ETV6: variants seen among roughly 807,000 people sequenced by gnomAD.
ETV6 encodes the protein ETS variant transcription factor 6, also known as transcription factor ETV6.
ETV6 carries 16 observed loss-of-function variants against 51.1 expected under a neutral mutation model. The observed-to-expected ratio is 0.31, with a 90% CI of 0.21 to 0.48. The LOEUF (loss-of-function observed/expected upper bound fraction) is 0.48. Among genes scored for constraint, ETV6 ranks in the 20% least tolerant of loss-of-function variants. The pLI is 0.99. For synonymous variants in ETV6, 240 were observed against 224.1 expected (o/e 1.07, Z -0.64); for missense variants, 458 against 594.8 (o/e 0.77, Z 2.39).
rs79207613 is a variant in ETV6 at position 11,711,763 on chromosome 12, T to C, written c.34-40687T>C. Among the ~76,000 whole-genome samples, 1,296 of 152,348 alleles carry C rather than the reference T, an allele frequency of 8.5e-3. 19 individuals carry two copies. Among genetic ancestry groups the C allele is most frequent in the African/African-American group, 0.028 (1,174 of 41,566 alleles). ...AATAAGGTATAGAGGAATATTCGTC[T>C]GAAGTCATGATTTGTACGTCATTTC... is the stretch of plus-strand genomic sequence containing the variant. On this transcript the variant is annotated intron_variant, in intron 1 of 7. Coordinates refer to ENST00000396373, the MANE Select transcript of ETV6 (RefSeq NM_001987.5).
At chr12:11,689,085 A>G (rs1000639254) in intron 1 of ETV6, among the ~76,000 whole-genome samples, 4 of 141,790 alleles carry the variant, frequency 2.8e-5, no homozygotes, top group Non-Finnish European at 6.2e-5. Context: ...AGATCTCACC[A>G]AGATTATTTA....
chr12:11,677,216 G>C (rs891221874), intron 1 of ETV6, among the ~76,000 whole-genome samples: 1 of 152,174 alleles, frequency 6.6e-6, no homozygotes, highest in African/African-American at 2.4e-5. Context: ...TGCTGCCTCT[G>C]AGAAAGAAGA....
At chr12:11,742,068 T>C (rs1865821653) in intron 1 of ETV6, among the ~76,000 whole-genome samples, 1 of 152,260 alleles carries the variant, frequency 6.6e-6, no homozygotes, top group Admixed American at 6.5e-5. Context: ...TATGTACTGT[T>C]GCACACTAAT....
intron 1 of ETV6, among the ~76,000 whole-genome samples, chr12:11,749,116 A>C (rs2724634): frequency 6.6e-6 from 1 of 151,938 alleles, no homozygotes; most frequent in African/African-American, 2.4e-5. Context: ...TATTTTTTAC[A>C]GCATCTAAAC....
At position 11,711,727 on chromosome 12, in the gene ETV6, A is replaced by T. The variant is rs74060806; in HGVS notation, c.34-40723A>T. On this transcript the variant is annotated intron_variant, in intron 1 of 7. Transcript: ENST00000396373. ...TCCTGTTAGGGACATACTCTTAATG[A>T]CTGTAAAATGAATAAGGTATAGAGG... is the stretch of plus-strand genomic sequence containing the variant. Among the ~76,000 whole-genome samples the T allele has an allele frequency of 1.3e-3, 193 of 152,324 alleles. 2 individuals carry two copies. Among genetic ancestry groups the T allele is most frequent in the African/African-American group, 4.4e-3 (184 of 41,572 alleles).
At chr12:11,768,942 A>C (rs1038336632) in intron 2 of ETV6, 11 of 486,592 alleles carry the variant, frequency 2.3e-5, no homozygotes, top group African/African-American at 1.9e-4. Context: ...CTTGTTCTGA[A>C]GAAAATTCAA....
At chr12:11,672,776 A>G (rs1029071687) in intron 1 of ETV6, among the ~76,000 whole-genome samples, 1 of 152,214 alleles carries the variant, frequency 6.6e-6, no homozygotes, top group Non-Finnish European at 1.5e-5. Flanking sequence ...GCCAAGTCTT[A>G]AGAAAGGGAC....
intron 2 of ETV6, 100 bp from the exon 3 acceptor site, chr12:11,839,040 C>G (rs935123362): frequency 1.5e-5 from 19 of 1,258,350 alleles, no homozygotes; most frequent in Non-Finnish European, 2.1e-5. Flanking sequence ...GATGTGGAGA[C>G]TCATTTTGTT....
At chr12:11,874,535 T>C (rs373714425) in intron 5 of ETV6, among the ~76,000 whole-genome samples, 5 of 11,132 alleles carry the variant, frequency 4.5e-4, no homozygotes, top group African/African-American at 1.0e-3. Flanking sequence ...TATGTGTATG[T>C]GCGTGTGTAC....
intron 1 of ETV6, among the ~76,000 whole-genome samples, chr12:11,711,918 A>T (rs746095398): frequency 6.6e-6 from 1 of 151,842 alleles, no homozygotes; most frequent in Non-Finnish European, 1.5e-5. Flanking sequence ...ACTTTTCTCT[A>T]TTTTTTTCCA....
chr12:11,671,285 C>T (rs1353898674), intron 1 of ETV6, among the ~76,000 whole-genome samples: 2 of 152,140 alleles, frequency 1.3e-5, no homozygotes, highest in Non-Finnish European at 2.9e-5. Context: ...CTTTGGGTCT[C>T]CTGTCCCAAA....
At chr12:11,688,483 A>T (rs1230316543) in intron 1 of ETV6, among the ~76,000 whole-genome samples, 1 of 152,150 alleles carries the variant, frequency 6.6e-6, no homozygotes, top group African/African-American at 2.4e-5. Context: ...GCCTTAAGGG[A>T]TGGATATCTA....
chr12:11,732,213 T>C (rs1865612638), intron 1 of ETV6, among the ~76,000 whole-genome samples: 1 of 152,194 alleles, frequency 6.6e-6, no homozygotes, highest in Non-Finnish European at 1.5e-5. Flanking sequence ...CGTGGAAATG[T>C]CTCTGCAAAG....
At chr12:11,880,287 C>T (rs1481201194) in intron 5 of ETV6, among the ~76,000 whole-genome samples, 1 of 152,146 alleles carries the variant, frequency 6.6e-6, no homozygotes, top group African/African-American at 2.4e-5. Context: ...GATTAAATGT[C>T]ATTTAAAATG....
Position 11,727,080 on chromosome 12 carries a change from G to A in ETV6, c.34-25370G>A, listed in dbSNP as rs114387085. ...GCACGCACAGTGGCTTTTGTGTCAG[G>A]GAAGAGACATTGTCTGTATTGTGGG... On this transcript the variant is annotated intron_variant, in intron 1 of 7. Transcript: ENST00000396373. Among the ~76,000 whole-genome samples the A allele has an allele frequency of 5.0e-3, 756 of 152,340 alleles. 6 individuals are homozygous for A. The highest frequency in any genetic ancestry group is 0.017 in the African/African-American group (711 of 41,574).
intron 2 of ETV6, among the ~76,000 whole-genome samples, chr12:11,756,148 A>G (rs1306440350): frequency 2.0e-5 from 3 of 152,186 alleles, no homozygotes; most frequent in Non-Finnish European, 4.4e-5. Flanking sequence ...AAAGTGATAA[A>G]TGGAGTAAAG....
intron 3 of ETV6, among the ~76,000 whole-genome samples, chr12:11,839,990 A>G (rs1219074400): frequency 6.6e-6 from 1 of 152,230 alleles, no homozygotes. Flanking sequence ...AAGGAGAAGG[A>G]CGTAGAAGGG....
chr12:11,865,163 A>T (rs1348465006), intron 4 of ETV6, among the ~76,000 whole-genome samples: 1 of 151,184 alleles, frequency 6.6e-6, no homozygotes. Flanking sequence ...AGGCAGGAGA[A>T]TGGCGTGAAC....
chr12:11,650,481 T>TAA (rs367594605), intron 1 of ETV6, among the ~76,000 whole-genome samples: 12,957 of 42,924 alleles, frequency 0.3, 1,479 homozygotes, highest in Middle Eastern at 0.38. Context: ...TTAGTGCGCT[T>TAA]AAAAAAAAAA....
Sources: gnomAD v4.1 joint callset for allele counts (sites outside exome capture counted in the v4.1 genomes callset) on GRCh38, gnomAD v4.1.1 for gene constraint, MANE v1.5 for transcripts, NCBI Gene and HGNC (gene_info 2026-07-23, HGNC 2026-07-21) for gene names.